The following GCA variants were observed in gnomAD, a reference collection of about 807,000 sequenced individuals.
The protein encoded by GCA is grancalcin, EF-hand calcium-binding protein.
A neutral mutation model predicts 32.6 loss-of-function variants in GCA; 30 were observed. The ratio of observed to expected loss-of-function variants is 0.92; its 90% CI spans 0.69 to 1.25. GCA has a LOEUF of 1.25. Ranked by LOEUF, GCA falls within the 50% of genes most tolerant of loss-of-function variation. The pLI is 0.00. For synonymous variants in GCA, 102 were observed against 84.6 expected (o/e 1.21, Z -1.13); for missense variants, 291 against 266.8 (o/e 1.09, Z -0.63).
chr2:162,336,744 T>C (rs1684283617), intron 1 of GCA, among the ~76,000 whole-genome samples: 1 of 152,214 alleles, frequency 6.6e-6, no homozygotes, highest in African/African-American at 2.4e-5. Flanking sequence ...TCTATAAATA[T>C]GTACTTTACA....
chr2:162,371,728 C>T (rs183509596), downstream of GCA: 63 of 1,130,106 alleles, frequency 5.6e-5, no homozygotes, highest in African/African-American at 3.9e-4. Context: ...TATAATGGTA[C>T]CTTGTGAGCC....
At chr2:162,348,191 A>G (rs1684806428) in intron 2 of GCA, among the ~76,000 whole-genome samples, 1 of 152,200 alleles carries the variant, frequency 6.6e-6, no homozygotes, top group South Asian at 2.1e-4. Context: ...TAGATAACAC[A>G]AAGCTAAGTA....
At chr2:162,366,570 A>T (rs1281211899), downstream of GCA, among the ~76,000 whole-genome samples, 1 of 151,916 alleles carries the variant, frequency 6.6e-6, no homozygotes, top group Non-Finnish European at 1.5e-5. Flanking sequence ...GTGAGGAATT[A>T]TTCTACTGTT....
At chr2:162,354,821 G>C (rs1685183290) in intron 3 of GCA, among the ~76,000 whole-genome samples, 1 of 152,016 alleles carries the variant, frequency 6.6e-6, no homozygotes, top group Non-Finnish European at 1.5e-5. Context: ...CCTTAAATCA[G>C]TTTACTCTCC....
rs868865595 is a variant in GCA at position 162,347,747 on chromosome 2, G to A, written c.192+5G>A. On this transcript the variant is annotated splice_donor_5th_base_variant and intron_variant, in intron 2 of 7. Transcript: ENST00000437150. Reference sequence around the variant, plus strand: ...TTCAGTGCTGTTGCTGGACAGGTGAGATGCTAAATTTATTGCATAAATATG... The same window carrying A: ...TTCAGTGCTGTTGCTGGACAGGTGAAATGCTAAATTTATTGCATAAATATG... 1 of 1,482,696 alleles carries A rather than the reference G, an allele frequency of 6.7e-7. No individual in the cohort carries two copies. The highest frequency in any genetic ancestry group is 9.1e-7 in the Non-Finnish European group (1 of 1,101,678). The allele number at this position is 1,482,696 out of a possible 1,614,324, so 91.8% of individuals were successfully genotyped here. A position where few individuals can be genotyped will look rare whatever the true frequency, so the allele number is the denominator to read the frequency against.
chr2:162,370,219 G>A (rs955422232), intron 4 of GCA, among the ~76,000 whole-genome samples: 11 of 152,058 alleles, frequency 7.2e-5, no homozygotes, highest in Non-Finnish European at 1.6e-4. Context: ...ATATCCTGAA[G>A]GGATAGAAAT....
At chr2:162,322,060 G>T (rs958071044) in intron 1 of GCA, among the ~76,000 whole-genome samples, 1 of 149,908 alleles carries the variant, frequency 6.7e-6, no homozygotes, top group African/African-American at 2.5e-5. Flanking sequence ...GGATACTGTC[G>T]TAGCTTTTTA....
intron 1 of GCA, among the ~76,000 whole-genome samples, chr2:162,346,046 G>A (rs1400873681): frequency 6.6e-6 from 1 of 151,882 alleles, no homozygotes; most frequent in African/African-American, 2.4e-5. Context: ...TATAAAAATT[G>A]TATTATTTTC....
At chr2:162,371,573 T>C in exon 5 of GCA, 1 of 854,936 alleles carries the variant, frequency 1.2e-6, no homozygotes, top group Non-Finnish European at 1.6e-6. Context: ...GCATGTGATT[T>C]AAAAAATAAA....
downstream of GCA, among the ~76,000 whole-genome samples, chr2:162,367,833 T>A (rs978058029): frequency 3.9e-5 from 6 of 151,972 alleles, no homozygotes; most frequent in Admixed American, 2.6e-4. Flanking sequence ...CTTTACTATA[T>A]TTTATCTCAT....
At chr2:162,364,648 A>G (rs1216055715), downstream of GCA, among the ~76,000 whole-genome samples, 2 of 151,556 alleles carry the variant, frequency 1.3e-5, no homozygotes, top group African/African-American at 2.4e-5. Context: ...CTTAGCTTAC[A>G]TGCCACATTA....
In GCA at chr2:162,359,505, A is replaced by G. The variant is rs1433361774; in HGVS notation, c.580A>G (p.Lys194Glu). ...TTCTTTGTTTAAAGATTTCTTTAGG[A>G]AAAGAGACCACTTGCAACAAGGGTC... ...KLRALTDFFR[K>E]RDHLQQGSAN... The change falls in exon 7 of 8, where the codon AAA (lysine) becomes GAA (glutamate). Residue 194 changes from lysine (K) to glutamate (E), a missense_variant. Transcript: ENST00000437150. 6.6e-7 allele frequency: 1 copy of G among 1,520,222 alleles called. No homozygotes were observed. 94.2% of individuals were successfully genotyped at this position (1,520,222 alleles called of 1,614,324 possible).
chr2:162,339,608 G>A (rs989003709), upstream of GCA, among the ~76,000 whole-genome samples: 7 of 152,286 alleles, frequency 4.6e-5, no homozygotes, highest in African/African-American at 1.4e-4. Flanking sequence ...ATTCAGTTAG[G>A]TGAGGTCATG....
intron 1 of GCA, among the ~76,000 whole-genome samples, chr2:162,324,472 G>C (rs73971822): frequency 0.012 from 1,756 of 152,256 alleles, 31 homozygotes; most frequent in African/African-American, 0.04. Flanking sequence ...CAGTGTGCTG[G>C]TGCCTTTTGG....
rs570515236 is a variant in GCA at position 162,362,815 on chromosome 2, A to G, written c.*2572A>G. Among the ~76,000 whole-genome samples, 11 of 151,532 alleles carry G rather than the reference A, an allele frequency of 7.3e-5. No individual in the cohort carries two copies. Among genetic ancestry groups the G allele is most frequent in the African/African-American group, 1.9e-4 (8 of 41,494 alleles). On this transcript the variant is annotated 3_prime_UTR_variant, in exon 8 of 8. Coordinates refer to ENST00000437150, the MANE Select transcript of GCA (RefSeq NM_012198.5). The stretch of plus-strand genomic sequence containing the variant: ...TTTAAATTACATCAAGGGTAAATCA[A>G]TAGTATGGAAATCTTAATTTGGTCC...
intron 1 of GCA, among the ~76,000 whole-genome samples, chr2:162,331,908 A>G (rs1254185565): frequency 2.6e-5 from 4 of 152,208 alleles, no homozygotes; most frequent in Non-Finnish European, 5.9e-5. Context: ...ATTTTCAGCA[A>G]TTTATGAAAG....
downstream of GCA, chr2:162,373,357 A>C: frequency 3.1e-6 from 2 of 647,964 alleles, no homozygotes; most frequent in Non-Finnish European, 4.8e-6. Context: ...GAGTAGAAAC[A>C]GAGATAGGGA....
At position 162,351,813 on chromosome 2, in the gene GCA, T is replaced by G. The variant is rs543384869; in HGVS notation, c.193-525T>G. 2.6e-5 allele frequency among the ~76,000 whole-genome samples: 4 copies of G among 152,280 alleles called. No homozygotes were observed. The South Asian group carries it at 6.2e-4, about 24-fold the overall frequency. ...TCTTGTTTGCATTTTAAAACTTTAT[T>G]TTCTGTAGTAAGTTCAGGCAAGACT... is the stretch of plus-strand genomic sequence containing the variant. On this transcript the variant is annotated intron_variant, in intron 2 of 7. Transcript: ENST00000437150.
chr2:162,356,448 G>C lies in GCA; in HGVS notation c.273G>C (p.Leu91Phe). ...GINGTYSPFS[L>F]ETCRIMIAML... The stretch of plus-strand genomic sequence containing the variant: ...GAATATGTTTTACAGCCTTCAGTTT[G>C]GAAACCTGCAGAATTATGATTGCCA... Residue 91 changes from leucine to phenylalanine, a missense_variant, in exon 4 of 8, where the codon TTG (leucine) becomes TTC (phenylalanine). Leu to Phe is a conservative substitution (Grantham distance 22, BLOSUM62 0). Transcript: ENST00000437150. 1 of 1,564,430 alleles carries C rather than the reference G, an allele frequency of 6.4e-7. No homozygotes were observed. The highest frequency in any genetic ancestry group is 2.2e-5 in the East Asian group (1 of 44,522).
Sources: gnomAD v4.1 joint callset for allele counts (sites outside exome capture counted in the v4.1 genomes callset) on GRCh38, gnomAD v4.1.1 for gene constraint, MANE v1.5 for transcripts, NCBI Gene and HGNC (gene_info 2026-07-23, HGNC 2026-07-21) for gene names.